NEK3: variants seen among roughly 807,000 people sequenced by gnomAD.
NEK3 encodes NIMA related kinase 3.
In NEK3, 54 loss-of-function variants were observed where a neutral mutation model predicts 66.0. The ratio of observed to expected loss-of-function variants is 0.82; its 90% CI spans 0.66 to 1.03. The LOEUF (loss-of-function observed/expected upper bound fraction) is 1.03. Among genes scored for constraint, NEK3 ranks in the 50% least tolerant of loss-of-function variants. NEK3 has a pLI of 0.00. For missense variants in NEK3, 593 were observed against 603.0 expected, an observed-to-expected ratio of 0.98 and a Z score of 0.17; for synonymous variants, 200 against 206.2, an observed-to-expected ratio of 0.97 and a Z score of 0.26.
At chr13:52,154,480 C>A (rs1023919375) in intron 2 of NEK3, among the ~76,000 whole-genome samples, 11 of 149,954 alleles carry the variant, frequency 7.3e-5, no homozygotes, top group East Asian at 2.0e-4. Flanking sequence ...AGTTTACCAT[C>A]AAAAATAATG....
rs564016190 is a variant in NEK3 at position 52,156,139 on chromosome 13, G to A, written c.53C>T (p.Ala18Val). 6.2e-5 allele frequency: 99 copies of A among 1,607,712 alleles called. 1 individual carries two copies. The South Asian group carries it at 8.4e-4, about 14-fold the overall frequency. ...RMIGEGSFGR[A>V]LLVQHESSNQ... ...ACTGCTTTCATGCTGAACCAAAAGA[G>A]CTCTGCCGAAGGAGCCCTCCCCAAT... The change falls in exon 2 of 16, where the codon GCT becomes GTT. Residue 18 changes from alanine to valine, a missense_variant. By Grantham distance (64) the Ala-to-Val change is moderately conservative. Transcript: ENST00000610828.
intron 10 of NEK3, 84 bp downstream of exon 10, chr13:52,143,831 A>C (rs1956271169): frequency 5.4e-6 from 4 of 742,586 alleles, no homozygotes; most frequent in Non-Finnish European, 8.9e-6. Context: ...CATTTCTAAT[A>C]ACTTAAAAAT....
chr13:52,147,557 C>G (rs1956304638), intron 8 of NEK3, among the ~76,000 whole-genome samples: 1 of 152,234 alleles, frequency 6.6e-6, no homozygotes, highest in East Asian at 1.9e-4. Context: ...GTATGAAATA[C>G]CTAGAATATG....
Position 52,156,131 on chromosome 13 carries a change from C to T in NEK3, c.61G>A (p.Val21Ile), listed in dbSNP as rs1448450689. 6.2e-6 allele frequency: 10 copies of T among 1,608,318 alleles called. No individual in the cohort carries two copies. The highest frequency in any genetic ancestry group is 6.8e-6 in the Non-Finnish European group (8 of 1,177,248). Residue 21 changes from valine (V) to isoleucine (I), a missense_variant, in exon 2 of 16, where the codon GTT (valine) becomes ATT (isoleucine). Coordinates refer to ENST00000610828, the MANE Select transcript of NEK3 (RefSeq NM_002498.3). ...GEGSFGRALL[V>I]QHESSNQMFA... ...ATCTGATTACTGCTTTCATGCTGAA[C>T]CAAAAGAGCTCTGCCGAAGGAGCCC... is the stretch of plus-strand genomic sequence containing the variant.
At chr13:52,143,457 C>T (rs1001726674) in intron 10 of NEK3, among the ~76,000 whole-genome samples, 11 of 152,132 alleles carry the variant, frequency 7.2e-5, no homozygotes, top group African/African-American at 2.2e-4. Context: ...AAACCTACTC[C>T]GACGCATCAC....
intron 10 of NEK3, among the ~76,000 whole-genome samples, chr13:52,141,807 C>T (rs1290216395): frequency 6.6e-6 from 1 of 151,572 alleles, no homozygotes; most frequent in Non-Finnish European, 1.5e-5. Context: ...TGGCCGGGTA[C>T]GGTGGCTCAT....
At chr13:52,149,494 C>T (rs1244286533) in intron 7 of NEK3, among the ~76,000 whole-genome samples, 1 of 151,976 alleles carries the variant, frequency 6.6e-6, no homozygotes, top group Non-Finnish European at 1.5e-5. Context: ...GTCCACATGC[C>T]CTTATCTAGG....
In NEK3 at chr13:52,154,195, G is replaced by C. The variant is rs374904288; in HGVS notation, c.118-22C>G. The C allele has an allele frequency of 3.4e-6, 5 of 1,450,224 alleles. No individual in the cohort carries two copies. In the African/African-American group the frequency reaches 7.1e-5, roughly 20 times the overall value. The allele number at this position is 1,450,224 out of a possible 1,614,324, so 89.8% of individuals were successfully genotyped here. ...AAGACTAGAAAAACATTTTAAATAAGCATAAACTTAATACTGCATTTTAAA... is the reference window on the plus strand; with the variant it reads ...AAGACTAGAAAAACATTTTAAATAACCATAAACTTAATACTGCATTTTAAA... On this transcript the variant is annotated intron_variant, in intron 2 of 15. Transcript: ENST00000610828.
At chr13:52,156,488 G>C in intron 1 of NEK3, 1 of 226,294 alleles carries the variant, frequency 4.4e-6, no homozygotes, top group South Asian at 6.9e-5. Context: ...CTATGTACAG[G>C]TAATAAATAT....
At chr13:52,151,998 C>A (rs1365931021) in intron 5 of NEK3, among the ~76,000 whole-genome samples, 1 of 152,134 alleles carries the variant, frequency 6.6e-6, no homozygotes, top group Non-Finnish European at 1.5e-5. Context: ...GCTATAACAT[C>A]TAGGTTTGTG....
chr13:52,140,540 G>A (rs938673171), intron 11 of NEK3, among the ~76,000 whole-genome samples: 7 of 151,688 alleles, frequency 4.6e-5, no homozygotes, highest in Non-Finnish European at 7.4e-5. Flanking sequence ...TCCAGGAGGC[G>A]GGGCTTGCAG....
At chr13:52,138,697 A>G (rs899402728) in intron 11 of NEK3, among the ~76,000 whole-genome samples, 2 of 152,196 alleles carry the variant, frequency 1.3e-5, no homozygotes, top group African/African-American at 4.8e-5. Flanking sequence ...TAGGAGGCCA[A>G]GGTGGGAGGA....
intron 4 of NEK3, 125 bp from the exon 5 acceptor site, chr13:52,152,817 C>A: frequency 3.6e-6 from 2 of 550,646 alleles, no homozygotes; most frequent in South Asian, 2.8e-5. Flanking sequence ...GTACAGAACT[C>A]CTATAAATTA....
Position 52,141,067 on chromosome 13 carries a change from T to C in NEK3, c.880A>G (p.Asn294Asp). 6.3e-7 allele frequency: 1 copy of C among 1,598,292 alleles called. No homozygotes were observed. The highest frequency in any genetic ancestry group is 2.2e-5 in the East Asian group (1 of 44,636). ...AAAGCTATCCTGATTCTGCTGGGGT[T>C]TGCTTTTAAAAGAGAGAGAGAAGGT... The part of the protein sequence containing the change: ...SKHNTPRKKT[N>D]PSRIRIALGN... The change falls in exon 11 of 16, where the codon AAC becomes GAC. Residue 294 changes from asparagine to aspartate, a missense_variant and splice_region_variant. Coordinates refer to ENST00000610828, the MANE Select transcript of NEK3 (RefSeq NM_002498.3).
Position 52,133,645 on chromosome 13 carries a change from A to ACACC in NEK3, c.1436+43_1436+44insGGTG, listed in dbSNP as rs775604347. The ACACC allele has an allele frequency of 7.9e-5, 122 of 1,539,482 alleles. No homozygotes were observed. In the African/African-American group the frequency reaches 1.0e-3, roughly 13 times the overall value. On this transcript the variant is annotated intron_variant, in intron 15 of 15. Coordinates refer to ENST00000610828, the MANE Select transcript of NEK3 (RefSeq NM_002498.3). ...CACACACACACACACACACACACAC[A>ACACC]CCCCCAACCCCAGCTACAGCTTTCT...
chr13:52,144,990 T>C, intron 8 of NEK3, 99 bp from the exon 9 acceptor site: 1 of 783,386 alleles, frequency 1.3e-6, no homozygotes, highest in East Asian at 2.7e-5. Flanking sequence ...TAAACATATC[T>C]GCTGTCTGGT....
chr13:52,141,094 G>A (rs762285195), intron 10 of NEK3, 25 bp from the exon 11 acceptor site: 1 of 1,581,516 alleles, frequency 6.3e-7, no homozygotes, highest in South Asian at 1.2e-5. Context: ...AGAGAAGGTA[G>A]AAAGATAAAA....
chr13:52,158,429 A>C (rs761688640), intron 1 of NEK3, among the ~76,000 whole-genome samples: 3 of 152,214 alleles, frequency 2.0e-5, no homozygotes, highest in Non-Finnish European at 4.4e-5. Context: ...TAGATGTGAA[A>C]GAAACAAGTC....
chr13:52,147,970 T>C (rs1383578716), intron 8 of NEK3, among the ~76,000 whole-genome samples: 1 of 152,058 alleles, frequency 6.6e-6, no homozygotes, highest in Admixed American at 6.6e-5. Context: ...CACTCCAGAC[T>C]GGGCAACAGA....
Sources: gnomAD v4.1 joint callset for allele counts (sites outside exome capture counted in the v4.1 genomes callset) on GRCh38, gnomAD v4.1.1 for gene constraint, MANE v1.5 for transcripts, NCBI Gene and HGNC (gene_info 2026-07-23, HGNC 2026-07-21) for gene names.